EDA: variants seen among roughly 807,000 people sequenced by gnomAD.
The protein encoded by EDA is ectodysplasin-A.
A neutral mutation model predicts 23.6 loss-of-function variants in EDA; 2 were observed. The observed-to-expected ratio is 0.08, with a 90% CI of 0.03 to 0.27. The LOEUF (loss-of-function observed/expected upper bound fraction) is 0.27, where lower values mean the gene tolerates loss of function less well. Ranked by LOEUF, EDA falls within the 10% of genes least tolerant of loss-of-function variation. The pLI is 1.00. For missense variants in EDA, 229 were observed against 324.2 expected, an observed-to-expected ratio of 0.71 and a Z score of 2.26; for synonymous variants, 131 against 132.0, an observed-to-expected ratio of 0.99 and a Z score of 0.05.
At chrX:69,956,964 T>C in intron 1 of EDA, 63 bp from the exon 2 acceptor site, 1 of 1,078,739 alleles carries the variant, frequency 9.3e-7, no homozygotes, top group Non-Finnish European at 1.3e-6. Context: ...GAAAGCTGGT[T>C]TTTTATGTTG....
intron 1 of EDA, among the ~76,000 whole-genome samples, chrX:69,765,263 T>C (rs1257080063): frequency 8.9e-6 from 1 of 112,560 alleles, no homozygotes; most frequent in African/African-American, 3.2e-5. Context: ...GGGCCTACTA[T>C]ATGCCAGCAT....
At chrX:70,006,274 T>C (rs374749750) in intron 2 of EDA, among the ~76,000 whole-genome samples, 1 of 112,187 alleles carries the variant, frequency 8.9e-6, no homozygotes, top group Non-Finnish European at 1.9e-5. Context: ...GGTAAGACTA[T>C]GTTTAGCTTT....
At chrX:69,663,756 G>C (rs1412068639) in intron 1 of EDA, among the ~76,000 whole-genome samples, 1 of 112,332 alleles carries the variant, frequency 8.9e-6, no homozygotes, top group South Asian at 3.7e-4. Flanking sequence ...CAGCCAGGAG[G>C]GGGCTGTACC....
intron 1 of EDA, among the ~76,000 whole-genome samples, chrX:69,729,885 G>A (rs2012955191): frequency 1.8e-5 from 2 of 111,410 alleles, no homozygotes; most frequent in South Asian, 7.6e-4. Flanking sequence ...CAAATCTCAA[G>A]CATCTTTCCT....
intron 1 of EDA, among the ~76,000 whole-genome samples, chrX:69,902,118 T>G (rs2018106886): frequency 8.9e-6 from 1 of 112,022 alleles, no homozygotes; most frequent in African/African-American, 3.2e-5. Flanking sequence ...AGTTCTAGCA[T>G]TTGAGTTGAA....
intron 2 of EDA, among the ~76,000 whole-genome samples, chrX:69,968,310 A>G (rs952733974): frequency 5.4e-5 from 6 of 112,068 alleles, no homozygotes; most frequent in African/African-American, 1.9e-4. Flanking sequence ...TATATGACGA[A>G]TTAGGTGACA....
intron 1 of EDA, among the ~76,000 whole-genome samples, chrX:69,682,922 C>T (rs748326589): frequency 9.9e-5 from 11 of 111,239 alleles, no homozygotes; most frequent in African/African-American, 2.9e-4. Flanking sequence ...ACATGCAATA[C>T]GTTATAGATG....
At chrX:69,810,692 G>T (rs1179625649) in intron 1 of EDA, among the ~76,000 whole-genome samples, 3 of 106,208 alleles carry the variant, frequency 2.8e-5, no homozygotes, top group Non-Finnish European at 5.8e-5. Flanking sequence ...GGAGGCGGAG[G>T]TTGCAGTGAG....
At chrX:69,990,394 T>TGATAGCTATCTACTGATA (rs2019569260) in intron 2 of EDA, among the ~76,000 whole-genome samples, 1 of 109,957 alleles carries the variant, frequency 9.1e-6, no homozygotes, top group South Asian at 3.9e-4. Context: ...ATCTACTGAT[T>TGATAGCTATCTACTGATA]GATAGCTATC....
At chrX:69,932,702 T>A (rs1343180670) in intron 1 of EDA, among the ~76,000 whole-genome samples, 2 of 111,939 alleles carry the variant, frequency 1.8e-5, no homozygotes, top group Non-Finnish European at 3.8e-5. Flanking sequence ...ACCTAAAAGT[T>A]TATAATGCAG....
intron 1 of EDA, among the ~76,000 whole-genome samples, chrX:69,772,190 G>A (rs2014658169): frequency 1.8e-5 from 2 of 111,511 alleles, no homozygotes; most frequent in African/African-American, 6.5e-5. Context: ...AAACTCCTGG[G>A]CTGAAGCAAT....
At chrX:69,758,470 T>A (rs1298443487) in intron 1 of EDA, among the ~76,000 whole-genome samples, 1 of 112,374 alleles carries the variant, frequency 8.9e-6, no homozygotes, top group Non-Finnish European at 1.9e-5. Flanking sequence ...TTGCCCTGAT[T>A]TGGGCTGCCC....
chrX:69,828,788 A>C (rs12864026), intron 1 of EDA, among the ~76,000 whole-genome samples: 1 of 112,087 alleles, frequency 8.9e-6, no homozygotes, highest in Non-Finnish European at 1.9e-5. Flanking sequence ...CTGTCATATC[A>C]TGTTTTTCAT....
At chrX:70,032,152 G>C (rs750174043) in intron 6 of EDA, among the ~76,000 whole-genome samples, 1 of 110,914 alleles carries the variant, frequency 9.0e-6, no homozygotes, top group Non-Finnish European at 1.9e-5. Context: ...CCAGCTGCTC[G>C]GGAGGCTGAG....
intron 2 of EDA, among the ~76,000 whole-genome samples, chrX:69,996,721 C>A (rs1819314): frequency 6.4e-4 from 71 of 111,389 alleles, no homozygotes; most frequent in African/African-American, 2.3e-3. Flanking sequence ...CTCTGTGTCC[C>A]CACCCAAATC....
chrX:70,033,663 C>T, intron 7 of EDA, 135 bp downstream of exon 7: 6 of 738,723 alleles, frequency 8.1e-6, no homozygotes, highest in Non-Finnish European at 8.1e-6. Flanking sequence ...GTGGGGGGAC[C>T]GCACTGGGAG....
intron 1 of EDA, among the ~76,000 whole-genome samples, chrX:69,906,833 T>C (rs1052194247): frequency 2.5e-4 from 28 of 112,481 alleles, no homozygotes; most frequent in African/African-American, 7.7e-4. Context: ...AAAAGAATAC[T>C]TTTAGCTAAA....
Position 69,759,068 on chromosome X carries a change from G to A in EDA, c.396+142364G>A, listed in dbSNP as rs2147406801. On this transcript the variant is annotated intron_variant, in intron 1 of 7. Transcript: ENST00000374552. ...AAACATTTGCATTAATTGAAAAATA[G>A]GATTTATTATTCAGTAATTCTGTAT... Among the ~76,000 whole-genome samples the A allele has an allele frequency of 1.8e-5, 2 of 112,333 alleles. 1 individual carries two copies. Among genetic ancestry groups the A allele is most frequent in the Admixed American group, 1.9e-4 (2 of 10,597 alleles).
chrX:69,934,993 C>T (rs1232019747), intron 1 of EDA, among the ~76,000 whole-genome samples: 1 of 111,539 alleles, frequency 9.0e-6, no homozygotes, highest in East Asian at 2.8e-4. Flanking sequence ...TACTCTACAT[C>T]CCCACGAGTT....
Sources: allele counts gnomAD v4.1 joint callset (sites outside exome capture counted in the v4.1 genomes callset), GRCh38; gene constraint gnomAD v4.1.1; transcripts MANE v1.5; gene names NCBI Gene and HGNC (gene_info 2026-07-23, HGNC 2026-07-21).